CD72: variants seen among roughly 807,000 people sequenced by gnomAD.
CD72 encodes the protein CD72 molecule, also known as B-cell differentiation antigen CD72.
In CD72, 28 loss-of-function variants were observed where a neutral mutation model predicts 50.7. The observed-to-expected ratio is 0.55, with a 90% confidence interval of 0.41 to 0.76. The LOEUF (loss-of-function observed/expected upper bound fraction) is 0.76, where lower values mean the gene tolerates loss of function less well. Ranked by LOEUF, CD72 falls within the 30% of genes least tolerant of loss-of-function variation. CD72 has a pLI of 0.00. For synonymous variants in CD72, 176 were observed against 171.2 expected (o/e 1.03, Z -0.22); for missense variants, 403 against 420.6 (o/e 0.96, Z 0.37).
At chr9:35,613,596 A>C (rs1372470931) in intron 5 of CD72, among the ~76,000 whole-genome samples, 1 of 152,054 alleles carries the variant, frequency 6.6e-6, no homozygotes, top group African/African-American at 2.4e-5. Context: ...TCCTACCTTC[A>C]TCACTCAAAA....
intron 1 of CD72, chr9:35,646,325 G>C (rs1823391995): frequency 6.6e-6 from 1 of 152,158 alleles, no homozygotes; most frequent in Non-Finnish European, 1.5e-5. Context: ...CTGTCCCTGG[G>C]AACGGGGCGC....
rs1402614474 is a variant in CD72, at chr9:35,617,216, C to A, written c.222G>T (p.Trp74Cys). Residue 74 changes from tryptophan to cysteine, a missense_variant, in exon 3 of 9, where the codon TGG (tryptophan) becomes TGT (cysteine). Transcript: ENST00000259633. The part of the protein sequence containing the change: ...AVKSEQPTAS[W>C]RAVTSPAVGR... ...CGACAGCTGGTGACGTCACGGCTCT[C>A]CAGGACGCAGTTGGCTGCTCCGACT... is the stretch of plus-strand genomic sequence containing the variant. 2.5e-6 allele frequency: 4 copies of A among 1,569,178 alleles called. No individual in the cohort carries two copies. Among genetic ancestry groups the A allele is most frequent in the Non-Finnish European group, 3.5e-6 (4 of 1,156,638 alleles).
intron 1 of CD72, among the ~76,000 whole-genome samples, chr9:35,640,103 A>T (rs1823325339): frequency 6.6e-6 from 1 of 152,160 alleles, no homozygotes; most frequent in East Asian, 1.9e-4. Flanking sequence ...ATTCTGTGAC[A>T]TTTTTCTGTT....
In CD72 at chr9:35,614,725, GT is replaced by G. The variant is rs139936415; in HGVS notation, c.688+1217del. ...TGGAACAAAGAAGTGAGTGAGCCAGGTGCGGTGGCTCACGACTGTAATCTCA... is the reference window on the plus strand; with the variant it reads ...TGGAACAAAGAAGTGAGTGAGCCAGGGCGGTGGCTCACGACTGTAATCTCA... On this transcript the variant is annotated intron_variant, in intron 5 of 8. Transcript: ENST00000259633. Among the ~76,000 whole-genome samples the G allele has an allele frequency of 9.6e-3, 1,465 of 152,284 alleles. 18 individuals are homozygous for G. The highest frequency in any genetic ancestry group is 0.033 in the African/African-American group (1,386 of 41,566).
At position 35,618,117 on chromosome 9, in the gene CD72, T is replaced by C; in HGVS notation, c.87A>G (p.Pro29=). 1 of 1,613,388 alleles carries C rather than the reference T, an allele frequency of 6.2e-7. No individual in the cohort carries two copies. Among genetic ancestry groups the C allele is most frequent in the Middle Eastern group, 1.7e-4 (1 of 6,058 alleles). ...TGATTTCCCCATCATCATCAGCCCC[T>C]GGGTCTAGAGAGAAGAGAAAAGGGA... is the stretch of plus-strand genomic sequence containing the variant. ...KSISSRLGQD[P]GADDDGEITY... Residue 29 remains proline, a synonymous_variant, in exon 2 of 9, where the codon CCA becomes CCG. Transcript: ENST00000259633.
intron 1 of CD72, among the ~76,000 whole-genome samples, chr9:35,631,690 G>A (rs1823247870): frequency 6.6e-6 from 1 of 152,108 alleles, no homozygotes; most frequent in African/African-American, 2.4e-5. Flanking sequence ...TCAGCAGATC[G>A]AGATCCATCC....
At chr9:35,613,396 A>G (rs765106981) in intron 5 of CD72, among the ~76,000 whole-genome samples, 3 of 151,974 alleles carry the variant, frequency 2.0e-5, no homozygotes, top group Non-Finnish European at 4.4e-5. Context: ...ACAAGCAGAA[A>G]ATGTTGTGTA....
chr9:35,627,511 T>C (rs1345653128), intron 1 of CD72, among the ~76,000 whole-genome samples: 1 of 151,968 alleles, frequency 6.6e-6, no homozygotes, highest in Admixed American at 6.6e-5. Context: ...ACCCACAATA[T>C]CTCTGAAGTA....
upstream of CD72, among the ~76,000 whole-genome samples, chr9:35,622,088 C>G (rs1227785820): frequency 6.6e-6 from 1 of 152,098 alleles, no homozygotes; most frequent in Non-Finnish European, 1.5e-5. Context: ...AGCCTTGCCA[C>G]AGTATGTGAC....
upstream of CD72, among the ~76,000 whole-genome samples, chr9:35,621,735 A>AG (rs1414057343): frequency 6.6e-6 from 1 of 152,214 alleles, no homozygotes; most frequent in Admixed American, 6.5e-5. Context: ...TGAGGGAAGG[A>AG]GGGCCAGAGA....
intron 3 of CD72, 199 bp downstream of exon 3, chr9:35,616,977 G>A (rs949088257): frequency 6.9e-7 from 1 of 1,443,160 alleles, no homozygotes; most frequent in Admixed American, 2.7e-5. Context: ...GGTGAATTGG[G>A]ACCATCCGCA....
Position 35,616,651 on chromosome 9 carries a change from G to A in CD72, c.301C>T (p.Leu101Phe). 2 of 1,614,006 alleles carry A rather than the reference G, an allele frequency of 1.2e-6. No individual in the cohort carries two copies. The highest frequency in any genetic ancestry group is 1.7e-6 in the Non-Finnish European group (2 of 1,180,028). Reference sequence around the variant, plus strand: ...ACTCCTAACAGCAGGCAGGTGAGGAGCAGGCCGAGCAGGAGGTATCGCAGG... The same window carrying A: ...ACTCCTAACAGCAGGCAGGTGAGGAACAGGCCGAGCAGGAGGTATCGCAGG... ...TCLRYLLLGL[L>F]LTCLLLGVTA... Residue 101 changes from leucine (L) to phenylalanine (F), a missense_variant, in exon 4 of 9, where the codon CTC becomes TTC. Coordinates refer to ENST00000259633, the MANE Select transcript of CD72 (RefSeq NM_001782.3).
chr9:35,625,980 T>C (rs1288247782), intron 1 of CD72, among the ~76,000 whole-genome samples: 1 of 152,032 alleles, frequency 6.6e-6, no homozygotes, highest in Non-Finnish European at 1.5e-5. Context: ...GAGATTAACG[T>C]TGTTTTCACG....
At chr9:35,640,446 G>T (rs1206306525) in intron 1 of CD72, among the ~76,000 whole-genome samples, 2 of 152,374 alleles carry the variant, frequency 1.3e-5, no homozygotes, top group Admixed American at 6.5e-5. Flanking sequence ...TGCGATGAGT[G>T]TTATAGCTCT....
chr9:35,619,098 G>A (rs1271762094), upstream of CD72, among the ~76,000 whole-genome samples: 1 of 152,180 alleles, frequency 6.6e-6, no homozygotes, highest in Non-Finnish European at 1.5e-5. Flanking sequence ...CATTTTCTTG[G>A]TTTGGTTTTG....
intron 1 of CD72, among the ~76,000 whole-genome samples, chr9:35,634,404 G>A (rs1587908386): frequency 1.3e-5 from 2 of 152,148 alleles, no homozygotes; most frequent in Non-Finnish European, 2.9e-5. Flanking sequence ...CCAGGCTGGA[G>A]TACAGTGGCA....
At chr9:35,624,605 C>A (rs988098938) in intron 1 of CD72, among the ~76,000 whole-genome samples, 4 of 152,138 alleles carry the variant, frequency 2.6e-5, no homozygotes, top group African/African-American at 9.7e-5. Flanking sequence ...CTGCTACATA[C>A]TGTAGGAATG....
At chr9:35,640,577 G>T (rs1823330105) in intron 1 of CD72, among the ~76,000 whole-genome samples, 8 of 152,268 alleles carry the variant, frequency 5.3e-5, no homozygotes, top group Admixed American at 5.2e-4. Flanking sequence ...GCACGATCGG[G>T]AGTGGCAATG....
chr9:35,610,793 A>G, intron 7 of CD72, 40 bp from the exon 8 acceptor site: 1 of 1,556,490 alleles, frequency 6.4e-7, no homozygotes, highest in Non-Finnish European at 8.8e-7. Context: ...TGCTCTGGAC[A>G]TATCCCACCC....
Sources: gnomAD v4.1 joint callset for allele counts (sites outside exome capture counted in the v4.1 genomes callset) on GRCh38, gnomAD v4.1.1 for gene constraint, MANE v1.5 for transcripts, NCBI Gene and HGNC (gene_info 2026-07-23, HGNC 2026-07-21) for gene names.